Variants in HK3 observed in about 807,000 individuals in gnomAD.
HK3 encodes hexokinase 3.
Under a neutral mutation model 91.0 loss-of-function variants are expected in HK3, and 93 were observed. The ratio of observed to expected loss-of-function variants is 1.02; its 90% CI spans 0.86 to 1.21. The LOEUF (loss-of-function observed/expected upper bound fraction) is 1.21, where lower values mean the gene tolerates loss of function less well. HK3 is among the 50% of genes most tolerant of loss of function. The pLI is 0.00. For missense variants in HK3, 1,235 were observed against 1,247.4 expected, an observed-to-expected ratio of 0.99 and a Z score of 0.15; for synonymous variants, 519 against 516.9, an observed-to-expected ratio of 1.00 and a Z score of -0.06.
At chr5:176,898,509 G>A (rs1758961570) in intron 1 of HK3, among the ~76,000 whole-genome samples, 1 of 152,122 alleles carries the variant, frequency 6.6e-6, no homozygotes, top group Non-Finnish European at 1.5e-5. Flanking sequence ...CTTTCTCAAG[G>A]CCCAGCTAGT....
At chr5:176,889,075 G>A (rs924653809) in intron 8 of HK3, among the ~76,000 whole-genome samples, 4 of 152,214 alleles carry the variant, frequency 2.6e-5, no homozygotes, top group African/African-American at 9.7e-5. Context: ...AAGCCTCCTG[G>A]AGAACAAGAA....
Position 176,889,461 on chromosome 5 carries a change from G to A in HK3, c.834C>T (p.Ser278=), listed in dbSNP as rs368077942. The change falls in exon 8 of 19, where the codon AGC becomes AGT. Residue 278 remains serine, a synonymous_variant. Transcript: ENST00000292432. ...GCACTGGTCCCAGCGCCCCATCATC[G>A]CTGAAGGAGCCCCACTCGACGCTGA... ...VCVSVEWGSF[S]DDGALGPVLT... 1.5e-5 allele frequency: 24 copies of A among 1,614,058 alleles called. No homozygotes were observed. The highest frequency in any genetic ancestry group is 3.3e-4 in the Middle Eastern group (2 of 6,084).
In HK3 at chr5:176,891,521, C is replaced by T. The variant is rs141904759; in HGVS notation, c.126G>A (p.Val42=). Residue 42 remains valine, a synonymous_variant, in exon 3 of 19, where the codon GTG becomes GTA. Coordinates refer to ENST00000292432, the MANE Select transcript of HK3 (RefSeq NM_002115.3). Reference sequence around the variant, plus strand: ...GGATCTGCTGTAGCTGTGCCCTTGTCACCTTGAACTGCTGCAGGCACTCCT... The same window carrying T: ...GGATCTGCTGTAGCTGTGCCCTTGTTACCTTGAACTGCTGCAGGCACTCCT... ...LVQECLQQFK[V]TRAQLQQIQA... 13 of 1,613,686 alleles carry T rather than the reference C, an allele frequency of 8.1e-6. No homozygotes were observed. The African/African-American group carries it at 1.7e-4, about 22-fold the overall frequency.
Position 176,881,018 on chromosome 5 carries a change from C to T in HK3, c.*55G>A. On this transcript the variant is annotated 3_prime_UTR_variant, in exon 19 of 19. Coordinates refer to ENST00000292432, the MANE Select transcript of HK3 (RefSeq NM_002115.3). ...GGGCCTGGCTGGGAAACAGGCAGACCCCGACCCGGCTCCAGCAAGGCTGCG... is the reference window on the plus strand; with the variant it reads ...GGGCCTGGCTGGGAAACAGGCAGACTCCGACCCGGCTCCAGCAAGGCTGCG... The T allele has an allele frequency of 6.5e-7, 1 of 1,527,882 alleles. No individual in the cohort carries two copies. The highest frequency in any genetic ancestry group is 2.2e-5 in the Admixed American group (1 of 46,116). 94.6% of individuals were successfully genotyped at this position (1,527,882 alleles called of 1,614,324 possible). A position where few individuals can be genotyped will look rare whatever the true frequency, so the allele number is the denominator to read the frequency against.
In HK3 at chr5:176,880,945, G is replaced by A. The variant is rs1758406858; in HGVS notation, c.*128C>T. Reference sequence around the variant, plus strand: ...GGAAAGCCAGGGAGCAAGGCCAAATGGCCGCAGAGGGGTCACACATGGGAT... The same window carrying A: ...GGAAAGCCAGGGAGCAAGGCCAAATAGCCGCAGAGGGGTCACACATGGGAT... On this transcript the variant is annotated 3_prime_UTR_variant, in exon 19 of 19. Coordinates refer to ENST00000292432, the MANE Select transcript of HK3 (RefSeq NM_002115.3). 1 of 1,053,530 alleles carries A rather than the reference G, an allele frequency of 9.5e-7. No homozygotes were observed. The highest frequency in any genetic ancestry group is 1.3e-6 in the Non-Finnish European group (1 of 757,736). The allele number at this position is 1,053,530 out of a possible 1,614,324, so 65.3% of individuals were successfully genotyped here. A position where few individuals can be genotyped will look rare whatever the true frequency, so the allele number is the denominator to read the frequency against.
At position 176,881,285 on chromosome 5, in the gene HK3, C is replaced by T. The variant is rs369266392; in HGVS notation, c.2627+17G>A. ...CCTGGCCACACCTCCCTCCCCAGCC[C>T]GCACACCCAGACTCACCGCGGGTGC... is the stretch of plus-strand genomic sequence containing the variant. On this transcript the variant is annotated intron_variant, in intron 18 of 18. Transcript: ENST00000292432. 3.5e-5 allele frequency: 56 copies of T among 1,613,560 alleles called. No homozygotes were observed. In the Admixed American group the frequency reaches 7.5e-4, roughly 22 times the overall value.
Position 176,891,547 on chromosome 5 carries a change from G to A in HK3, c.100C>T (p.Gln34Ter), listed in dbSNP as rs776304902. 2 of 1,609,912 alleles carry A rather than the reference G, an allele frequency of 1.2e-6. No individual in the cohort carries two copies. The highest frequency in any genetic ancestry group is 1.7e-6 in the Non-Finnish European group (2 of 1,178,140). Residue 34 changes from glutamine (Q) to a stop codon, truncating the protein, a stop_gained, in exon 3 of 19, where the codon CAG becomes TAG. Transcript: ENST00000292432. LOFTEE classifies it high-confidence loss of function. Reference sequence around the variant, plus strand: ...ACCTTGAACTGCTGCAGGCACTCCTGCACCTGGGGAGAAACAGGCCAACAT... The same window carrying A: ...ACCTTGAACTGCTGCAGGCACTCCTACACCTGGGGAGAAACAGGCCAACAT... The part of the protein sequence containing the change: ...PGPSDSSELV[Q>*]ECLQQFKVTR...
chr5:176,887,258 C>A lies in HK3; in HGVS notation c.1680G>T (p.Gln560His), dbSNP rs1232317108. 1.9e-6 allele frequency: 3 copies of A among 1,612,028 alleles called. No homozygotes were observed. Among genetic ancestry groups the A allele is most frequent in the Non-Finnish European group, 2.5e-6 (3 of 1,179,318 alleles). ...VLLVRVTTGV[Q>H]ITSEIYSIPE... ...GAATGGAGTAGATCTCGCTGGTGAT[C>A]TGCACGCCTGTGGTCACACGTACCA... The change falls in exon 12 of 19, where the codon CAG (glutamine) becomes CAT (histidine). Residue 560 changes from glutamine to histidine, a missense_variant. Around this residue, in one of 3 missense-constraint regions of HK3, gnomAD observed 717 missense variants for 751.6 expected, o/e 0.95. Coordinates refer to ENST00000292432, the MANE Select transcript of HK3 (RefSeq NM_002115.3). This position sits in a 1 kb window ranked among gnomAD's most constrained non-coding sequence, Gnocchi z 4.9.
chr5:176,890,798 C>T (rs374545984), intron 5 of HK3, 24 bp downstream of exon 5: 19 of 1,614,208 alleles, frequency 1.2e-5, no homozygotes, highest in African/African-American at 1.1e-4. Flanking sequence ...CTCTACCCAG[C>T]GTCCCATGTC....
intron 4 of HK3, 31 bp downstream of exon 4, chr5:176,891,006 A>G: frequency 6.2e-7 from 1 of 1,613,884 alleles, no homozygotes; most frequent in Non-Finnish European, 8.5e-7. Context: ...CCAGGCCCCC[A>G]GACCCCAGAG....
intron 6 of HK3, 61 bp from the exon 7 acceptor site, chr5:176,889,805 G>A (rs1163630947): frequency 7.8e-6 from 11 of 1,414,790 alleles, no homozygotes; most frequent in African/African-American, 1.4e-5. Flanking sequence ...GGGAATCCAG[G>A]GGATGGGCAG....
In HK3 at chr5:176,891,519, G is replaced by A. The variant is rs1758774865; in HGVS notation, c.128C>T (p.Thr43Ile). Residue 43 changes from threonine (T) to isoleucine (I), a missense_variant, in exon 3 of 19, where the codon ACA becomes ATA. Coordinates refer to ENST00000292432, the MANE Select transcript of HK3 (RefSeq NM_002115.3). ...VQECLQQFKV[T>I]RAQLQQIQAS... ...TTGGATCTGCTGTAGCTGTGCCCTT[G>A]TCACCTTGAACTGCTGCAGGCACTC... 1 of 1,613,944 alleles carries A rather than the reference G, an allele frequency of 6.2e-7. No homozygotes were observed.
chr5:176,893,349 C>T (rs1306962494), intron 2 of HK3, among the ~76,000 whole-genome samples: 5 of 152,290 alleles, frequency 3.3e-5, no homozygotes, highest in East Asian at 3.9e-4. Context: ...CCAGATGATC[C>T]GGCTTGAGAA....
In HK3 at chr5:176,888,793, C is replaced by T. The variant is rs1408744914; in HGVS notation, c.986G>A (p.Cys329Tyr). Residue 329 changes from cysteine (C) to tyrosine (Y), a missense_variant, in exon 9 of 19, where the codon TGT becomes TAT. Physicochemically the swap from Cys to Tyr is radical, Grantham distance 194 (BLOSUM62 -2). Transcript: ENST00000292432. ...GGTGCAGCCACCAAAGAGGACCCCA[C>T]ACCGGGCCAAGTGAGCCAGCACCAG... ...VRLVLAHLAR[C>Y]GVLFGGCTSP... 1 of 1,614,174 alleles carries T rather than the reference C, an allele frequency of 6.2e-7. No homozygotes were observed.
rs1204803991 is a variant in HK3, at chr5:176,887,345, G to T, written c.1601-8C>A. On this transcript the variant is annotated splice_region_variant and splice_polypyrimidine_tract_variant and intron_variant, in intron 11 of 18. Coordinates refer to ENST00000292432, the MANE Select transcript of HK3 (RefSeq NM_002115.3). This position sits in a 1 kb window ranked among gnomAD's most constrained non-coding sequence, Gnocchi z 4.9. ...CCAGGAAATCCCCTCGCTCTGTGGG[G>T]GCAGAGACCCTCAGTGCCGGGATAG... The T allele has an allele frequency of 6.2e-7, 1 of 1,613,788 alleles. No individual in the cohort carries two copies. The highest frequency in any genetic ancestry group is 2.2e-5 in the East Asian group (1 of 44,898).
rs546035202 is a variant in HK3 at position 176,898,109 on chromosome 5, TC to T, written c.-27+1157del. On this transcript the variant is annotated intron_variant, in intron 1 of 18. Transcript: ENST00000292432. ...AAGAGCTCTCCTCTGCATCCCCTCC[TC>T]CCCATTCCCACACACTGCACCAGAC... Among the ~76,000 whole-genome samples the T allele has an allele frequency of 5.9e-5, 9 of 152,002 alleles. No homozygotes were observed. The East Asian group carries it at 1.7e-3, about 30-fold the overall frequency.
intron 1 of HK3, among the ~76,000 whole-genome samples, chr5:176,898,112 C>G (rs898152484): frequency 7.9e-5 from 12 of 152,182 alleles, no homozygotes; most frequent in Admixed American, 6.5e-5. Flanking sequence ...CCCCTCCTCC[C>G]CATTCCCACA....
At position 176,889,531 on chromosome 5, in the gene HK3, G is replaced by T. The variant is rs1263707682; in HGVS notation, c.764C>A (p.Ala255Glu). The T allele has an allele frequency of 6.8e-6, 11 of 1,614,054 alleles. No homozygotes were observed. Among genetic ancestry groups the T allele is most frequent in the Non-Finnish European group, 9.3e-6 (11 of 1,180,034 alleles). The change falls in exon 8 of 19, where the codon GCA (alanine) becomes GAA (glutamate). Residue 255 changes from alanine (A) to glutamate (E), a missense_variant. Physicochemically the swap from Ala to Glu is moderately radical, Grantham distance 107. Coordinates refer to ENST00000292432, the MANE Select transcript of HK3 (RefSeq NM_002115.3). ...TTCGTCCAGCACTGCCACATGCCGT[G>T]CCTCCTCCATGTAACACGCGTTGGT... ...TGTNACYMEE[A>E]RHVAVLDEDR...
chr5:176,891,942 ATGCACGAACAAACTTCAAGTGTTTCCCTC>A (rs1372984735), intron 2 of HK3, among the ~76,000 whole-genome samples: 1 of 152,178 alleles, frequency 6.6e-6, no homozygotes, highest in Non-Finnish European at 1.5e-5. Context: ...GAATAAACAA[ATGCACGAACAAACTTCAAGTGTTTCCCTC>A]TCCTAATCCA....
Sources: gnomAD v4.1 joint callset for allele counts (sites outside exome capture counted in the v4.1 genomes callset) on GRCh38, gnomAD v4.1.1 for gene constraint, gnomAD v4.1.1 regional missense constraint, Gnocchi (gnomAD v3.1) non-coding constraint, MANE v1.5 for transcripts, NCBI Gene and HGNC (gene_info 2026-07-23, HGNC 2026-07-21) for gene names.